Variants in CNTN4 observed in about 807,000 individuals in gnomAD.
The protein encoded by CNTN4 is contactin 4.
In CNTN4, 77 loss-of-function variants were observed where a neutral mutation model predicts 122.5. That is an observed-to-expected ratio of 0.63 (90% CI 0.52 to 0.76). CNTN4 has a LOEUF of 0.76. Ranked by LOEUF, CNTN4 falls within the 30% of genes least tolerant of loss-of-function variation. The probability of loss-of-function intolerance (pLI) is 0.00; values close to 1 mark genes in which losing one functional copy is unlikely to be tolerated. For missense variants in CNTN4, 1,256 were observed against 1,259.1 expected (o/e 1.00, Z 0.04); for synonymous variants, 512 against 447.0 (o/e 1.15, Z -1.83).
intron 2 of CNTN4, among the ~76,000 whole-genome samples, chr3:2,316,816 G>A (rs1030262767): frequency 1.2e-4 from 19 of 152,182 alleles, no homozygotes; most frequent in Non-Finnish European, 2.9e-5. Context: ...ACACATTACA[G>A]TTGCCAGTTG....
chr3:2,538,296 A>G (rs1244225254), intron 3 of CNTN4, among the ~76,000 whole-genome samples: 1 of 152,076 alleles, frequency 6.6e-6, no homozygotes, highest in Non-Finnish European at 1.5e-5. Flanking sequence ...CAGAACTTTG[A>G]CACAATACAT....
At chr3:2,954,590 AT>A (rs1559714171) in intron 13 of CNTN4, among the ~76,000 whole-genome samples, 1 of 151,268 alleles carries the variant, frequency 6.6e-6, no homozygotes, top group African/African-American at 2.4e-5. Context: ...ACAATCTCTG[AT>A]TTTTCTCTCC....
intron 3 of CNTN4, among the ~76,000 whole-genome samples, chr3:2,557,538 T>C (rs1357527481): frequency 1.3e-5 from 2 of 152,058 alleles, no homozygotes; most frequent in Non-Finnish European, 2.9e-5. Flanking sequence ...CCATCCTGGC[T>C]AACACGGTGA....
chr3:2,574,163 C>T (rs977999518), intron 4 of CNTN4, among the ~76,000 whole-genome samples: 10 of 152,172 alleles, frequency 6.6e-5, no homozygotes, highest in Non-Finnish European at 1.5e-4. Context: ...TTGCGGTGAG[C>T]CGAGATCACG....
chr3:2,107,469 T>C (rs2125113442), intron 2 of CNTN4, among the ~76,000 whole-genome samples: 1 of 152,164 alleles, frequency 6.6e-6, no homozygotes, highest in South Asian at 2.1e-4. Context: ...AATCCCCTTA[T>C]AAAACGATCA....
At chr3:2,312,409 A>G (rs1325270673) in intron 2 of CNTN4, among the ~76,000 whole-genome samples, 1 of 152,120 alleles carries the variant, frequency 6.6e-6, no homozygotes, top group African/African-American at 2.4e-5. Flanking sequence ...AGTCAAGTAA[A>G]TTGCATTTAT....
rs556639444 is a variant in CNTN4 at position 2,736,305 on chromosome 3, A to G, written c.146A>G (p.Asn49Ser). 9.9e-6 allele frequency: 16 copies of G among 1,613,824 alleles called. No individual in the cohort carries two copies. The highest frequency in any genetic ancestry group is 2.2e-5 in the South Asian group (2 of 91,080). The part of the protein sequence containing the change: ...LDSEEKKVKL[N>S]CEVKGNPKPH... Reference sequence around the variant, plus strand: ...TCTGAGGAGAAAAAAGTGAAGCTCAATTGTGAAGTTAAAGGAAATCCAAAA... The same window carrying G: ...TCTGAGGAGAAAAAAGTGAAGCTCAGTTGTGAAGTTAAAGGAAATCCAAAA... The change falls in exon 5 of 25, where the codon AAT (asparagine) becomes AGT (serine). Residue 49 changes from asparagine to serine, a missense_variant. Physicochemically the swap from Asn to Ser is conservative, Grantham distance 46. Transcript: ENST00000418658.
chr3:2,841,935 A>C lies in CNTN4; in HGVS notation c.454+22354A>C, dbSNP rs1041689680. Among the ~76,000 whole-genome samples the C allele has an allele frequency of 6.6e-6, 1 of 151,904 alleles. No homozygotes were observed. The highest frequency in any genetic ancestry group is 2.4e-5 in the African/African-American group (1 of 41,178). On this transcript the variant is annotated intron_variant, in intron 7 of 24. Transcript: ENST00000418658. The surrounding 1 kb of genome is among the most constrained non-coding windows in gnomAD (Gnocchi z 4.8). ...TAAAGGATTAATTAGGTCACATTGA[A>C]ATATATGATTTTAAAACAGATTGAA...
chr3:2,684,151 A>C (rs2085311325), intron 4 of CNTN4, among the ~76,000 whole-genome samples: 1 of 152,146 alleles, frequency 6.6e-6, no homozygotes, highest in South Asian at 2.1e-4. Flanking sequence ...GTCTCCATTT[A>C]AAATTTAAAT....
At chr3:2,178,488 C>T (rs757594746) in intron 2 of CNTN4, among the ~76,000 whole-genome samples, 1 of 151,966 alleles carries the variant, frequency 6.6e-6, no homozygotes, top group Non-Finnish European at 1.5e-5. Flanking sequence ...AATGAATTCT[C>T]AGATATTAAT....
chr3:2,784,262 G>A (rs917606877), intron 6 of CNTN4, among the ~76,000 whole-genome samples: 2 of 152,126 alleles, frequency 1.3e-5, no homozygotes, highest in Non-Finnish European at 2.9e-5. Flanking sequence ...ATGGTAGACT[G>A]GAGCTCATGT....
intron 3 of CNTN4, among the ~76,000 whole-genome samples, chr3:2,523,672 G>A (rs762144665): frequency 6.6e-6 from 1 of 151,976 alleles, no homozygotes; most frequent in Non-Finnish European, 1.5e-5. Flanking sequence ...AGATCAGGAC[G>A]GCAACAGAGA....
In CNTN4 at chr3:2,645,681, G is replaced by T. The variant is rs529348088; in HGVS notation, c.55+74123G>T. 2.6e-5 allele frequency among the ~76,000 whole-genome samples: 4 copies of T among 152,164 alleles called. No homozygotes were observed. In the East Asian group the frequency reaches 7.7e-4, roughly 29 times the overall value. On this transcript the variant is annotated intron_variant, in intron 4 of 24. Transcript: ENST00000418658. ...CCAGCATTCTTTACAAAATCTACTG[G>T]GAATATGTGAAAGATTTTACTTAAA...
chr3:2,126,342 T>C (rs2034166934), intron 2 of CNTN4, among the ~76,000 whole-genome samples: 1 of 152,156 alleles, frequency 6.6e-6, no homozygotes, highest in Non-Finnish European at 1.5e-5. Context: ...CATTTCAGGG[T>C]GTCACAGATT....
intron 6 of CNTN4, among the ~76,000 whole-genome samples, chr3:2,796,452 C>T (rs1238445002): frequency 6.6e-6 from 1 of 151,992 alleles, no homozygotes; most frequent in East Asian, 1.9e-4. Flanking sequence ...TTCAATATTC[C>T]TTTTAATTCT....
intron 13 of CNTN4, among the ~76,000 whole-genome samples, chr3:2,942,347 C>G (rs2094624203): frequency 1.3e-5 from 2 of 152,126 alleles, no homozygotes; most frequent in Non-Finnish European, 2.9e-5. Context: ...CAGTATAATT[C>G]ACAGGTCTGG....
intron 2 of CNTN4, among the ~76,000 whole-genome samples, chr3:2,261,151 C>T (rs1329711163): frequency 6.6e-6 from 1 of 152,182 alleles, no homozygotes. Flanking sequence ...TAGAAAAATT[C>T]CTAATTTTTT....
At chr3:2,849,110 T>C (rs758597142) in intron 7 of CNTN4, among the ~76,000 whole-genome samples, 16 of 152,232 alleles carry the variant, frequency 1.1e-4, no homozygotes, top group Non-Finnish European at 1.9e-4. Context: ...GTATACCATG[T>C]ACAACAAGAT....
chr3:2,587,257 A>T (rs2080244064), intron 4 of CNTN4, among the ~76,000 whole-genome samples: 1 of 152,190 alleles, frequency 6.6e-6, no homozygotes, highest in Non-Finnish European at 1.5e-5. Context: ...AACCAAACCA[A>T]ATTAAACTCA....
Sources: gnomAD v4.1 joint callset for allele counts (sites outside exome capture counted in the v4.1 genomes callset) on GRCh38, gnomAD v4.1.1 for gene constraint, Gnocchi (gnomAD v3.1) non-coding constraint, MANE v1.5 for transcripts, NCBI Gene and HGNC (gene_info 2026-07-23, HGNC 2026-07-21) for gene names.